The following PELI1 variants were observed in gnomAD, a reference collection of about 807,000 sequenced individuals.
PELI1 encodes pellino E3 ubiquitin protein ligase 1.
Under a neutral mutation model 41.3 loss-of-function variants are expected in PELI1, and 15 were observed. That is an observed-to-expected ratio of 0.36 (90% confidence interval 0.24 to 0.56). PELI1 has a LOEUF of 0.56. Among genes scored for constraint, PELI1 ranks in the 20% least tolerant of loss-of-function variants. The probability of loss-of-function intolerance (pLI) is 0.82; values close to 1 mark genes in which losing one functional copy is unlikely to be tolerated. For synonymous variants in PELI1, 178 were observed against 180.1 expected, an observed-to-expected ratio of 0.99 and a Z score of 0.09; for missense variants, 403 against 525.5, an observed-to-expected ratio of 0.77 and a Z score of 2.28.
At chr2:64,113,599 A>T (rs925336313) in intron 1 of PELI1, among the ~76,000 whole-genome samples, 1 of 152,198 alleles carries the variant, frequency 6.6e-6, no homozygotes, top group Admixed American at 6.5e-5. Flanking sequence ...TGCTCTCATT[A>T]GCAGGAACTA....
intron 6 of PELI1, 135 bp from the exon 7 acceptor site, chr2:64,095,403 A>T: frequency 1.6e-6 from 1 of 612,246 alleles, no homozygotes; most frequent in African/African-American, 1.8e-5. Flanking sequence ...AGAAACTGAC[A>T]GTAGTTATGA....
At position 64,101,326 on chromosome 2, in the gene PELI1, A is replaced by T. The variant is rs554813076; in HGVS notation, c.202-827T>A. Among the ~76,000 whole-genome samples, 12 of 151,068 alleles carry T rather than the reference A, an allele frequency of 7.9e-5. No individual in the cohort carries two copies. The South Asian group carries it at 1.7e-3, about 21-fold the overall frequency. On this transcript the variant is annotated intron_variant, in intron 3 of 6. Coordinates refer to ENST00000358912, the MANE Select transcript of PELI1 (RefSeq NM_020651.4). ...TGGTCCCAGGAGATAAAAGAAAAAA[A>T]TTTAAAAAAAAAAAACAAAAGAAAC... is the stretch of plus-strand genomic sequence containing the variant.
At chr2:64,132,073 A>T (rs1681574558) in intron 1 of PELI1, among the ~76,000 whole-genome samples, 1 of 152,220 alleles carries the variant, frequency 6.6e-6, no homozygotes, top group Admixed American at 6.5e-5. Context: ...AAGGTACTGA[A>T]TTGGCAACAG....
At position 64,094,800 on chromosome 2, in the gene PELI1, C is replaced by T; in HGVS notation, c.1159G>A (p.Gly387Ser). ...CAGGCTGCATGAAAAGTATGAGTACCATGAGGAAGTGGGATCTGGGACCAA... is the reference window on the plus strand; with the variant it reads ...CAGGCTGCATGAAAAGTATGAGTACTATGAGGAAGTGGGATCTGGGACCAA... ...AYWSQIPLPH[G>S]THTFHAACPF... Residue 387 changes from glycine (G) to serine (S), a missense_variant, in exon 7 of 7, where the codon GGT (glycine) becomes AGT (serine). Gly to Ser is a moderately conservative substitution (Grantham distance 56). Coordinates refer to ENST00000358912, the MANE Select transcript of PELI1 (RefSeq NM_020651.4). The T allele has an allele frequency of 6.2e-7, 1 of 1,614,128 alleles. No individual in the cohort carries two copies. The highest frequency in any genetic ancestry group is 8.5e-7 in the Non-Finnish European group (1 of 1,179,994).
At chr2:64,109,042 A>G (rs75153294) in intron 1 of PELI1, among the ~76,000 whole-genome samples, 6,287 of 152,312 alleles carry the variant, frequency 0.041, 147 homozygotes, top group African/African-American at 0.074. Flanking sequence ...ATGCCCTATT[A>G]GGGCAATGTA....
chr2:64,095,080 A>G lies in PELI1; in HGVS notation c.879T>C (p.Ser293=). Residue 293 remains serine (S), a synonymous_variant, in exon 7 of 7, where the codon AGT becomes AGC. Transcript: ENST00000358912. ...CATCTACAACGTCTTTCCTCTTCAT[A>G]CTAGGAAATGCTAGTGTGTTGAACC... ...PVGFNTLAFP[S]MKRKDVVDEK... is the part of the protein sequence containing the mutation. 6.2e-7 allele frequency: 1 copy of G among 1,614,182 alleles called. No homozygotes were observed. Among genetic ancestry groups the G allele is most frequent in the Non-Finnish European group, 8.5e-7 (1 of 1,180,028 alleles).
intron 1 of PELI1, among the ~76,000 whole-genome samples, chr2:64,129,004 A>C (rs1681473005): frequency 6.6e-6 from 1 of 152,160 alleles, no homozygotes; most frequent in African/African-American, 2.4e-5. Context: ...TATCACCATC[A>C]CAATGTTTAC....
intron 1 of PELI1, among the ~76,000 whole-genome samples, chr2:64,140,455 G>A (rs570539369): frequency 3.9e-5 from 6 of 151,934 alleles, no homozygotes; most frequent in African/African-American, 9.7e-5. Flanking sequence ...ACAACATTCC[G>A]AAAAATTGTC....
At chr2:64,140,434 A>T (rs1377244545) in intron 1 of PELI1, among the ~76,000 whole-genome samples, 1 of 152,150 alleles carries the variant, frequency 6.6e-6, no homozygotes, top group Non-Finnish European at 1.5e-5. Context: ...AAAGAATCTA[A>T]AACATCTAGT....
At chr2:64,130,883 T>C (rs1356217211) in intron 1 of PELI1, among the ~76,000 whole-genome samples, 1 of 152,172 alleles carries the variant, frequency 6.6e-6, no homozygotes, top group Non-Finnish European at 1.5e-5. Flanking sequence ...GAAGCCATAA[T>C]GTATTATTTT....
chr2:64,116,852 T>C (rs955521379), intron 1 of PELI1, among the ~76,000 whole-genome samples: 5 of 152,364 alleles, frequency 3.3e-5, no homozygotes, highest in Admixed American at 6.5e-5. Flanking sequence ...TCTGACAGCA[T>C]GTGCTCACTT....
chr2:64,128,835 A>AT (rs1357244278), intron 1 of PELI1, among the ~76,000 whole-genome samples: 2 of 152,122 alleles, frequency 1.3e-5, no homozygotes, highest in Admixed American at 6.5e-5. Context: ...TAAAATGATT[A>AT]TTTTTTCACT....
At chr2:64,128,440 T>A (rs1681457958) in intron 1 of PELI1, among the ~76,000 whole-genome samples, 1 of 152,136 alleles carries the variant, frequency 6.6e-6, no homozygotes, top group Non-Finnish European at 1.5e-5. Context: ...GTGATTAGAA[T>A]TGCAAATGTA....
chr2:64,140,362 CA>C lies in PELI1; in HGVS notation c.-70+3718del, dbSNP rs151151583. Among the ~76,000 whole-genome samples, 498 of 152,232 alleles carry C rather than the reference CA, an allele frequency of 3.3e-3. 4 individuals are homozygous for C. Among genetic ancestry groups the C allele is most frequent in the African/African-American group, 0.011 (452 of 41,546 alleles). ...GGTATTTTGAGGTGTAAAGGTATTA[CA>C]GGGGCGATACAAGAGTACTATGTAG... On this transcript the variant is annotated intron_variant, in intron 1 of 6. Transcript: ENST00000358912.
intron 1 of PELI1, among the ~76,000 whole-genome samples, chr2:64,134,913 A>G (rs1034546312): frequency 1.3e-5 from 2 of 152,188 alleles, no homozygotes. Context: ...TGATATGTTG[A>G]GCACTACAAT....
At chr2:64,111,165 C>A (rs1680796147) in intron 1 of PELI1, among the ~76,000 whole-genome samples, 2 of 152,072 alleles carry the variant, frequency 1.3e-5, no homozygotes, top group South Asian at 4.1e-4. Flanking sequence ...TCATTTTATA[C>A]CTCCACCAAC....
At chr2:64,132,236 C>T (rs1681580923) in intron 1 of PELI1, among the ~76,000 whole-genome samples, 2 of 152,176 alleles carry the variant, frequency 1.3e-5, no homozygotes, top group East Asian at 3.9e-4. Context: ...ACAACCTTAC[C>T]AGGAAGATAC....
chr2:64,133,615 C>T (rs1317584594), intron 1 of PELI1, among the ~76,000 whole-genome samples: 2 of 151,850 alleles, frequency 1.3e-5, no homozygotes, highest in Non-Finnish European at 2.9e-5. Flanking sequence ...GAAACTCAAG[C>T]TCAAAGAGGT....
At position 64,094,810 on chromosome 2, in the gene PELI1, T is replaced by C. The variant is rs1350465854; in HGVS notation, c.1149A>G (p.Pro383=). 1 of 1,614,108 alleles carries C rather than the reference T, an allele frequency of 6.2e-7. No individual in the cohort carries two copies. The highest frequency in any genetic ancestry group is 8.5e-7 in the Non-Finnish European group (1 of 1,179,994). ...GAAAAGTATGAGTACCATGAGGAAG[T>C]GGGATCTGGGACCAATAGGCAGTTG... ...EKTTAYWSQI[P]LPHGTHTFHA... is the part of the protein sequence containing the mutation. Residue 383 remains proline (P), a synonymous_variant, in exon 7 of 7, where the codon CCA becomes CCG. Transcript: ENST00000358912.
Sources: gnomAD v4.1 joint callset for allele counts (sites outside exome capture counted in the v4.1 genomes callset) on GRCh38, gnomAD v4.1.1 for gene constraint, MANE v1.5 for transcripts, NCBI Gene and HGNC (gene_info 2026-07-23, HGNC 2026-07-21) for gene names.